Variants in DAP observed in about 807,000 individuals in gnomAD.
The protein encoded by DAP is death associated protein, also known as death-associated protein 1.
A neutral mutation model predicts 13.8 loss-of-function variants in DAP; 8 were observed. That is an observed-to-expected ratio of 0.58 (90% CI 0.34 to 1.05). DAP has a LOEUF of 1.05. Among genes scored for constraint, DAP ranks in the 50% least tolerant of loss-of-function variants. The pLI is 0.03. For synonymous variants in DAP, 47 were observed against 47.5 expected, an observed-to-expected ratio of 0.99 and a Z score of 0.04; for missense variants, 106 against 133.2, an observed-to-expected ratio of 0.80 and a Z score of 1.01.
intron 2 of DAP, among the ~76,000 whole-genome samples, chr5:10,701,125 C>G (rs1303071336): frequency 6.6e-6 from 1 of 152,192 alleles, no homozygotes; most frequent in African/African-American, 2.4e-5. Context: ...GGTACTTGGT[C>G]AAGACCTGAA....
At chr5:10,722,450 T>C (rs1019326156) in intron 2 of DAP, among the ~76,000 whole-genome samples, 10 of 151,938 alleles carry the variant, frequency 6.6e-5, no homozygotes, top group Non-Finnish European at 1.3e-4. Context: ...CTGTGGGACC[T>C]TGTAATTGTG....
intron 1 of DAP, among the ~76,000 whole-genome samples, chr5:10,752,580 C>T (rs940892876): frequency 2.0e-5 from 3 of 152,128 alleles, no homozygotes; most frequent in African/African-American, 7.2e-5. Context: ...AAGTGCTGTG[C>T]AGAGGATAAG....
At chr5:10,731,769 A>G (rs937503934) in intron 2 of DAP, among the ~76,000 whole-genome samples, 5 of 152,230 alleles carry the variant, frequency 3.3e-5, no homozygotes, top group African/African-American at 9.6e-5. Flanking sequence ...CTTGCTCCTA[A>G]AAAGAGATGA....
At chr5:10,691,454 G>A (rs879587959) in intron 2 of DAP, among the ~76,000 whole-genome samples, 20 of 152,174 alleles carry the variant, frequency 1.3e-4, no homozygotes, top group Non-Finnish European at 2.5e-4. Flanking sequence ...TCTCACAAGC[G>A]AGAAACCCCA....
intron 1 of DAP, among the ~76,000 whole-genome samples, chr5:10,753,830 G>A (rs1282658177): frequency 6.6e-6 from 1 of 152,222 alleles, no homozygotes; most frequent in Non-Finnish European, 1.5e-5. Context: ...GTTCTTGCCT[G>A]AGAAGAGCTA....
rs1302553592 is a variant in DAP at position 10,698,306 on chromosome 5, A to AAG, written c.153-14737_153-14736dup. On this transcript the variant is annotated intron_variant, in intron 2 of 3. Coordinates refer to ENST00000230895, the MANE Select transcript of DAP (RefSeq NM_004394.3). ...GCAAAAAAAAAAAAAAAAAAAAAAA[A>AAG]AGAGAGCAAGGTCAAGTAGACAGAA... Among the ~76,000 whole-genome samples, 21 of 150,984 alleles carry AAG rather than the reference A, an allele frequency of 1.4e-4. 1 individual carries two copies. Among genetic ancestry groups the AAG allele is most frequent in the East Asian group, 1.2e-3 (6 of 5,158 alleles).
In DAP at chr5:10,680,019, T is replaced by C. The variant is rs1339390162; in HGVS notation, c.*1037A>G. The C allele has an allele frequency of 1.3e-5, 2 of 152,560 alleles. No individual in the cohort carries two copies. Among genetic ancestry groups the C allele is most frequent in the African/African-American group, 2.4e-5 (1 of 41,456 alleles). The allele number at this position is 152,560 out of a possible 1,614,324, so 9.5% of individuals were successfully genotyped here. On this transcript the variant is annotated 3_prime_UTR_variant, in exon 4 of 4. Coordinates refer to ENST00000230895, the MANE Select transcript of DAP (RefSeq NM_004394.3). ...GACATCTCTAGACAGGAAACTCATC[T>C]AAAAATCGGAGGACAACCTGATGCA...
At chr5:10,716,165 G>A (rs1343535770) in intron 2 of DAP, among the ~76,000 whole-genome samples, 2 of 152,198 alleles carry the variant, frequency 1.3e-5, no homozygotes, top group African/African-American at 4.8e-5. Flanking sequence ...AGGGGACACA[G>A]ACATTGAGCT....
At chr5:10,732,460 T>C (rs547726284) in intron 2 of DAP, among the ~76,000 whole-genome samples, 1 of 152,344 alleles carries the variant, frequency 6.6e-6, no homozygotes, top group Non-Finnish European at 1.5e-5. Flanking sequence ...TGGCCTGGTG[T>C]CTGGTTTCTT....
chr5:10,714,507 C>T (rs1039266401), intron 2 of DAP, among the ~76,000 whole-genome samples: 4 of 152,082 alleles, frequency 2.6e-5, no homozygotes, highest in African/African-American at 9.7e-5. Flanking sequence ...GTACCTCATA[C>T]TTCTTACGGC....
intron 1 of DAP, among the ~76,000 whole-genome samples, chr5:10,758,918 C>T (rs532350100): frequency 1.2e-4 from 19 of 152,282 alleles, no homozygotes; most frequent in African/African-American, 3.8e-4. Context: ...ATACCTCTGA[C>T]CTTAAAAATC....
intron 2 of DAP, among the ~76,000 whole-genome samples, chr5:10,730,482 G>C (rs1023505734): frequency 6.6e-6 from 1 of 151,558 alleles, no homozygotes; most frequent in African/African-American, 2.4e-5. Flanking sequence ...AACCCTGGTT[G>C]GGGCAATCTT....
chr5:10,700,199 C>T (rs1477920707), intron 2 of DAP, among the ~76,000 whole-genome samples: 6 of 152,186 alleles, frequency 3.9e-5, no homozygotes, highest in African/African-American at 1.4e-4. Flanking sequence ...CACTTTGAGG[C>T]GCTATGTACA....
At chr5:10,713,439 G>A (rs1383126726) in intron 2 of DAP, among the ~76,000 whole-genome samples, 6 of 152,224 alleles carry the variant, frequency 3.9e-5, no homozygotes, top group Non-Finnish European at 5.9e-5. Flanking sequence ...CAGGGAATGA[G>A]GGAGGCAGAA....
At chr5:10,709,942 T>C (rs755762032) in intron 2 of DAP, among the ~76,000 whole-genome samples, 22 of 152,164 alleles carry the variant, frequency 1.4e-4, no homozygotes, top group Non-Finnish European at 2.6e-4. Context: ...TTCTATATAC[T>C]ACATAAGCCT....
chr5:10,711,446 C>G (rs1016646267), intron 2 of DAP, among the ~76,000 whole-genome samples: 10 of 152,250 alleles, frequency 6.6e-5, no homozygotes, highest in African/African-American at 2.4e-4. Context: ...GAGGAAGGAG[C>G]AGTGTTTACA....
Position 10,680,639 on chromosome 5 carries a change from G to A in DAP, c.*417C>T, listed in dbSNP as rs1737960589. 2 of 1,186,290 alleles carry A rather than the reference G, an allele frequency of 1.7e-6. No individual in the cohort carries two copies. Among genetic ancestry groups the A allele is most frequent in the South Asian group, 3.1e-5 (2 of 65,304 alleles). The allele number at this position is 1,186,290 out of a possible 1,614,324, so 73.5% of individuals were successfully genotyped here. On this transcript the variant is annotated 3_prime_UTR_variant, in exon 4 of 4. Coordinates refer to ENST00000230895, the MANE Select transcript of DAP (RefSeq NM_004394.3). Reference sequence around the variant, plus strand: ...GTTCTTACTCTCCCACAGGTGTTGAGATTTTATTGGCCCATACTAAAAAGC... The same window carrying A: ...GTTCTTACTCTCCCACAGGTGTTGAAATTTTATTGGCCCATACTAAAAAGC...
intron 2 of DAP, among the ~76,000 whole-genome samples, chr5:10,691,158 G>T (rs1738297684): frequency 6.6e-6 from 1 of 152,148 alleles, no homozygotes; most frequent in Non-Finnish European, 1.5e-5. Context: ...AACTGAAAAG[G>T]CCATAATTGG....
At position 10,707,178 on chromosome 5, in the gene DAP, T is replaced by G. The variant is rs1254977817; in HGVS notation, c.153-23607A>C. Among the ~76,000 whole-genome samples the G allele has an allele frequency of 6.6e-6, 1 of 152,152 alleles. No homozygotes were observed. The highest frequency in any genetic ancestry group is 2.4e-5 in the African/African-American group (1 of 41,436). On this transcript the variant is annotated intron_variant, in intron 2 of 3. Coordinates refer to ENST00000230895, the MANE Select transcript of DAP (RefSeq NM_004394.3). This position sits in a 1 kb window ranked among gnomAD's most constrained non-coding sequence, Gnocchi z 4.0. The stretch of plus-strand genomic sequence containing the variant: ...GCATTTACATTTAAGCCAAGTGCTA[T>G]GAAGGGGAAGGCCAAGGTGCTAAAG...
Sources: gnomAD v4.1 joint callset for allele counts (sites outside exome capture counted in the v4.1 genomes callset) on GRCh38, gnomAD v4.1.1 for gene constraint, Gnocchi (gnomAD v3.1) non-coding constraint, MANE v1.5 for transcripts, NCBI Gene and HGNC (gene_info 2026-07-23, HGNC 2026-07-21) for gene names.